The following PPARGC1A variants were observed in gnomAD, a reference collection of about 807,000 sequenced individuals.
The protein encoded by PPARGC1A is PPARG coactivator 1 alpha, also known as peroxisome proliferator-activated receptor gamma coactivator 1-alpha.
Under a neutral mutation model 88.7 loss-of-function variants are expected in PPARGC1A, and 25 were observed. The ratio of observed to expected loss-of-function variants is 0.28; its 90% CI spans 0.21 to 0.39. The LOEUF is 0.39. Ranked by LOEUF, PPARGC1A falls within the 10% of genes least tolerant of loss-of-function variation. The pLI is 1.00. For missense variants in PPARGC1A, 880 were observed against 968.7 expected (o/e 0.91, Z 1.22); for synonymous variants, 363 against 355.6 (o/e 1.02, Z -0.24).
At chr4:24,124,056 T>C in the PPARGC1A span, among the ~76,000 whole-genome samples, 1 of 152,054 alleles carries the variant, frequency 6.6e-6, no homozygotes, top group Non-Finnish European at 1.5e-5. Context: ...ATAATAACCA[T>C]TAGGGCTCTT....
the PPARGC1A span, among the ~76,000 whole-genome samples, chr4:24,261,620 A>AT: frequency 1.3e-5 from 2 of 152,072 alleles, no homozygotes; most frequent in Admixed American, 1.3e-4. Context: ...AGAGCTTTTA[A>AT]TTTTTTCAGC....
chr4:24,461,794 A>G, the PPARGC1A span, among the ~76,000 whole-genome samples: 2 of 152,060 alleles, frequency 1.3e-5, no homozygotes, highest in Non-Finnish European at 2.9e-5. Flanking sequence ...TTCTGCCTCA[A>G]ATGTCCCCAC....
the PPARGC1A span, among the ~76,000 whole-genome samples, chr4:24,387,869 G>GAAA: frequency 1.7e-5 from 2 of 115,616 alleles, 1 homozygote; most frequent in Non-Finnish European, 3.3e-5. Flanking sequence ...AGAGAGAAAG[G>GAAA]AAGAAAGAGA....
At chr4:24,155,072 A>G in the PPARGC1A span, among the ~76,000 whole-genome samples, 3,404 of 151,704 alleles carry the variant, frequency 0.022, 129 homozygotes, top group African/African-American at 0.078. Flanking sequence ...CAGGTCAGCC[A>G]CTAAGAAAAT....
chr4:24,156,905 G>C, the PPARGC1A span, among the ~76,000 whole-genome samples: 7 of 152,038 alleles, frequency 4.6e-5, no homozygotes, highest in Admixed American at 2.0e-4. Context: ...TTTCAAAATG[G>C]CATTGTTACC....
the PPARGC1A span, among the ~76,000 whole-genome samples, chr4:23,990,444 T>A: frequency 1.3e-5 from 2 of 151,966 alleles, no homozygotes; most frequent in East Asian, 1.9e-4. Context: ...TAAGGCACAT[T>A]AGGATAGATT....
At chr4:23,803,824 G>A (rs1402489798) in intron 10 of PPARGC1A, among the ~76,000 whole-genome samples, 3 of 152,196 alleles carry the variant, frequency 2.0e-5, no homozygotes, top group Non-Finnish European at 2.9e-5. Context: ...TGGATGTACT[G>A]AGAGTCCCTG....
chr4:23,979,643 C>G, the PPARGC1A span, among the ~76,000 whole-genome samples: 1 of 152,200 alleles, frequency 6.6e-6, no homozygotes, highest in Non-Finnish European at 1.5e-5. Flanking sequence ...CAACTTAAAA[C>G]TTAATGATCC....
the PPARGC1A span, among the ~76,000 whole-genome samples, chr4:24,158,143 A>C: frequency 1.3e-5 from 2 of 148,730 alleles, no homozygotes; most frequent in Admixed American, 6.8e-5. Flanking sequence ...TTTGTGAGAG[A>C]TCTTTGCAAT....
chr4:23,925,799 C>T, the PPARGC1A span, among the ~76,000 whole-genome samples: 2 of 151,994 alleles, frequency 1.3e-5, no homozygotes, highest in Non-Finnish European at 2.9e-5. Context: ...ATCAGTTTAG[C>T]ACTAGATAGT....
At chr4:24,049,087 G>A in the PPARGC1A span, among the ~76,000 whole-genome samples, 1 of 151,312 alleles carries the variant, frequency 6.6e-6, no homozygotes. Context: ...GTATTTATAT[G>A]TTCTCCTCCT....
the PPARGC1A span, among the ~76,000 whole-genome samples, chr4:24,106,022 G>A: frequency 3.3e-5 from 5 of 152,158 alleles, no homozygotes; most frequent in East Asian, 1.9e-4. Flanking sequence ...ATTATGCTAC[G>A]CAGTTGAAAA....
chr4:24,048,919 T>TG, the PPARGC1A span, among the ~76,000 whole-genome samples: 1 of 152,186 alleles, frequency 6.6e-6, no homozygotes, highest in Non-Finnish European at 1.5e-5. Flanking sequence ...ATGGCATTTC[T>TG]GCACCTCAGT....
chr4:24,326,644 C>G, the PPARGC1A span, among the ~76,000 whole-genome samples: 1 of 152,164 alleles, frequency 6.6e-6, no homozygotes, highest in Non-Finnish European at 1.5e-5. Flanking sequence ...CCTATCTCGG[C>G]ATAATTCTCG....
the PPARGC1A span, among the ~76,000 whole-genome samples, chr4:24,256,204 C>G: frequency 6.6e-6 from 1 of 152,128 alleles, no homozygotes; most frequent in African/African-American, 2.4e-5. Flanking sequence ...GTGACCCAGA[C>G]ATTTCCCTAC....
At chr4:24,190,678 T>C in the PPARGC1A span, among the ~76,000 whole-genome samples, 10 of 152,326 alleles carry the variant, frequency 6.6e-5, no homozygotes, top group East Asian at 1.9e-3. Flanking sequence ...ATGAAGTGAC[T>C]TCCTCCATGC....
chr4:24,325,072 T>G, the PPARGC1A span, among the ~76,000 whole-genome samples: 1 of 152,160 alleles, frequency 6.6e-6, no homozygotes. Flanking sequence ...AAAGGCATAG[T>G]CAGGGTTAAT....
chr4:24,391,795 T>C, the PPARGC1A span, among the ~76,000 whole-genome samples: 9 of 152,318 alleles, frequency 5.9e-5, no homozygotes, highest in African/African-American at 2.2e-4. Flanking sequence ...ATTTTCATCA[T>C]TGAAAATTCT....
chr4:24,222,280 G>A, the PPARGC1A span, among the ~76,000 whole-genome samples: 846 of 152,298 alleles, frequency 5.6e-3, 35 homozygotes, highest in East Asian at 0.11. Context: ...TTACGCTTGT[G>A]AGAGACAGTA....
Sources: gnomAD v4.1 joint callset for allele counts (sites outside exome capture counted in the v4.1 genomes callset) on GRCh38, gnomAD v4.1.1 for gene constraint, MANE v1.5 for transcripts, NCBI Gene and HGNC (gene_info 2026-07-23, HGNC 2026-07-21) for gene names.